Variants in CDC42BPB observed in about 807,000 individuals in gnomAD.
CDC42BPB encodes the protein serine/threonine-protein kinase MRCK beta.
CDC42BPB carries 37 observed loss-of-function variants against 214.9 expected under a neutral mutation model. That is an observed-to-expected ratio of 0.17 (90% CI 0.13 to 0.23). The LOEUF is 0.23. Among genes scored for constraint, CDC42BPB ranks in the 10% least tolerant of loss-of-function variants. The probability of loss-of-function intolerance (pLI) is 1.00; values close to 1 mark genes in which losing one functional copy is unlikely to be tolerated. For missense variants in CDC42BPB, 1,694 were observed against 2,227.0 expected (o/e 0.76, Z 4.82); for synonymous variants, 931 against 884.0 (o/e 1.05, Z -0.94).
At chr14:102,973,795 C>T (rs1404507969) in intron 12 of CDC42BPB, among the ~76,000 whole-genome samples, 1 of 152,214 alleles carries the variant, frequency 6.6e-6, no homozygotes, top group Non-Finnish European at 1.5e-5. Context: ...GTGGAAGGCA[C>T]CTGCCACTGG....
chr14:102,948,081 G>T lies in CDC42BPB; in HGVS notation c.3450-279C>A, dbSNP rs1005740903. On this transcript the variant is annotated intron_variant, in intron 26 of 36. Transcript: ENST00000361246. ...AGACTATGCCAGTTACAGAAGACTC[G>T]GTTTGCACTTGGCACAGCCAGGCAG... The T allele has an allele frequency of 1.1e-4, 58 of 536,454 alleles. No homozygotes were observed. In the African/African-American group the frequency reaches 1.2e-3, roughly 11 times the overall value. 33.2% of individuals were successfully genotyped at this position (536,454 alleles called of 1,614,324 possible).
At chr14:102,976,439 C>A (rs999767552) in intron 9 of CDC42BPB, among the ~76,000 whole-genome samples, 12 of 152,260 alleles carry the variant, frequency 7.9e-5, no homozygotes, top group African/African-American at 2.9e-4. Flanking sequence ...TGGCCACCAA[C>A]TGGCCAAGCA....
chr14:103,045,193 G>C (rs1370893827), intron 1 of CDC42BPB, among the ~76,000 whole-genome samples: 1 of 152,042 alleles, frequency 6.6e-6, no homozygotes, highest in African/African-American at 2.4e-5. Context: ...TGCTGTTTTG[G>C]GTGCTGTGGC....
At chr14:103,053,643 T>G (rs1462305608) in intron 1 of CDC42BPB, among the ~76,000 whole-genome samples, 3 of 149,434 alleles carry the variant, frequency 2.0e-5, no homozygotes, top group African/African-American at 7.4e-5. Flanking sequence ...GCGCCTGTAG[T>G]CCCAGCTACT....
intron 2 of CDC42BPB, 77 bp from the exon 3 acceptor site, chr14:103,008,632 A>AT: frequency 6.3e-7 from 1 of 1,575,484 alleles, no homozygotes; most frequent in East Asian, 2.3e-5. Flanking sequence ...AACTGTAGTG[A>AT]AATCCTAACA....
intron 1 of CDC42BPB, among the ~76,000 whole-genome samples, chr14:103,031,214 C>G (rs368475642): frequency 6.6e-6 from 1 of 152,006 alleles, no homozygotes; most frequent in Non-Finnish European, 1.5e-5. Context: ...GCTCCTGTAT[C>G]GTCATCTTTG....
At position 103,007,964 on chromosome 14, in the gene CDC42BPB, C is replaced by T. The variant is rs35003045; in HGVS notation, c.351+508G>A. On this transcript the variant is annotated intron_variant, in intron 3 of 36. Coordinates refer to ENST00000361246, the MANE Select transcript of CDC42BPB (RefSeq NM_006035.4). Reference sequence around the variant, plus strand: ...CAGGAGGGAGACCAATGGCAGAGCACGCGGCTGTAGAGGTGGGGTCAGAGG... The same window carrying T: ...CAGGAGGGAGACCAATGGCAGAGCATGCGGCTGTAGAGGTGGGGTCAGAGG... 8.3e-3 allele frequency among the ~76,000 whole-genome samples: 1,263 copies of T among 152,160 alleles called. 24 individuals carry two copies. The highest frequency in any genetic ancestry group is 0.028 in the African/African-American group (1,157 of 41,488).
In CDC42BPB at chr14:103,057,012, C is replaced by T. The variant is rs779717068; in HGVS notation, c.162G>A (p.Glu54=). Reference sequence around the variant, plus strand: ...GCGCGCACTTACCCCACTCGAGGAACTCGGCCACGTACTTGTCGCGGCGCA... The same window carrying T: ...GCGCGCACTTACCCCACTCGAGGAATTCGGCCACGTACTTGTCGCGGCGCA... ...SALRRDKYVA[E]FLEWAKPFTQ... is the part of the protein sequence containing the mutation. The change falls in exon 1 of 37, where the codon GAG becomes GAA. Residue 54 remains glutamate (E), a synonymous_variant. Transcript: ENST00000361246. 1 of 1,476,662 alleles carries T rather than the reference C, an allele frequency of 6.8e-7. No homozygotes were observed. Among genetic ancestry groups the T allele is most frequent in the Admixed American group, 2.4e-5 (1 of 42,172 alleles). 91.5% of individuals were successfully genotyped at this position (1,476,662 alleles called of 1,614,324 possible).
chr14:102,996,327 A>G (rs1226435133), intron 5 of CDC42BPB, among the ~76,000 whole-genome samples: 1 of 152,108 alleles, frequency 6.6e-6, no homozygotes, highest in African/African-American at 2.4e-5. Context: ...GTGACAGAGC[A>G]AGACTCCGTC....
chr14:102,997,785 C>T (rs188040695), intron 5 of CDC42BPB, among the ~76,000 whole-genome samples: 1 of 152,368 alleles, frequency 6.6e-6, no homozygotes, highest in Admixed American at 6.5e-5. Flanking sequence ...TACGCAGTCA[C>T]AGTATTATCA....
intron 1 of CDC42BPB, among the ~76,000 whole-genome samples, chr14:103,044,482 G>A (rs1888182926): frequency 6.8e-6 from 1 of 147,390 alleles, no homozygotes; most frequent in Non-Finnish European, 1.5e-5. Flanking sequence ...CAATTCTCCC[G>A]CCTCAGCCTC....
At chr14:102,960,934 A>AGATT (rs1892929114) in intron 20 of CDC42BPB, among the ~76,000 whole-genome samples, 1 of 152,036 alleles carries the variant, frequency 6.6e-6, no homozygotes, top group African/African-American at 2.4e-5. Context: ...CACGGCAGTC[A>AGATT]GATTGCTTGA....
intron 8 of CDC42BPB, among the ~76,000 whole-genome samples, chr14:102,980,286 A>G (rs750726439): frequency 6.6e-6 from 1 of 152,204 alleles, no homozygotes; most frequent in East Asian, 1.9e-4. Context: ...TGTGGTCAGG[A>G]GATCGAGACT....
Position 102,943,092 on chromosome 14 carries a change from C to T in CDC42BPB, c.4408+799G>A, listed in dbSNP as rs1428773730. Among the ~76,000 whole-genome samples, 5 of 152,166 alleles carry T rather than the reference C, an allele frequency of 3.3e-5. No individual in the cohort carries two copies. The highest frequency in any genetic ancestry group is 3.8e-4 in the East Asian group (2 of 5,204). On this transcript the variant is annotated intron_variant, in intron 30 of 36. Coordinates refer to ENST00000361246, the MANE Select transcript of CDC42BPB (RefSeq NM_006035.4). This position sits in a 1 kb window ranked among gnomAD's most constrained non-coding sequence, Gnocchi z 4.6. ...TTCACCCTATTAGCCAGGATGGTCTCGATCTCCTAACCTCGTGATCCGCCC... is the reference window on the plus strand; with the variant it reads ...TTCACCCTATTAGCCAGGATGGTCTTGATCTCCTAACCTCGTGATCCGCCC...
intron 1 of CDC42BPB, among the ~76,000 whole-genome samples, chr14:103,056,763 G>A (rs1032047208): frequency 4.6e-5 from 7 of 152,144 alleles, no homozygotes; most frequent in Admixed American, 2.0e-4. Context: ...TCGAGCCTAG[G>A]GAGGGCAAGG....
rs535735049 is a variant in CDC42BPB, at chr14:103,053,542, A to C, written c.175+3457T>G. Among the ~76,000 whole-genome samples, 134 of 152,048 alleles carry C rather than the reference A, an allele frequency of 8.8e-4. 3 individuals are homozygous for C. In the South Asian group the frequency reaches 0.027, roughly 30 times the overall value. On this transcript the variant is annotated intron_variant, in intron 1 of 36. Coordinates refer to ENST00000361246, the MANE Select transcript of CDC42BPB (RefSeq NM_006035.4). ...TTTGGGAGGCCAAGGGGGGCAGATC[A>C]CGAGGTCTGGAGATCGAGACCATCC...
chr14:103,018,585 G>C (rs1271353659), intron 1 of CDC42BPB, among the ~76,000 whole-genome samples: 1 of 152,148 alleles, frequency 6.6e-6, no homozygotes, highest in Non-Finnish European at 1.5e-5. Flanking sequence ...AAGATTCCAG[G>C]ATGTGCACTA....
At chr14:103,021,416 A>C (rs1886765536) in intron 1 of CDC42BPB, among the ~76,000 whole-genome samples, 1 of 151,850 alleles carries the variant, frequency 6.6e-6, no homozygotes, top group South Asian at 2.1e-4. Context: ...CAGTGAGCTG[A>C]GATCGCGCCA....
intron 5 of CDC42BPB, 147 bp from the exon 6 acceptor site, chr14:102,986,727 A>T: frequency 1.5e-6 from 2 of 1,347,678 alleles, no homozygotes; most frequent in Non-Finnish European, 1.9e-6. Context: ...CCTCTGTGTG[A>T]CATTCAGCTG....
Sources: gnomAD v4.1 joint callset for allele counts (sites outside exome capture counted in the v4.1 genomes callset) on GRCh38, gnomAD v4.1.1 for gene constraint, Gnocchi (gnomAD v3.1) non-coding constraint, MANE v1.5 for transcripts, NCBI Gene and HGNC (gene_info 2026-07-23, HGNC 2026-07-21) for gene names.